PCDHGA6: variants seen among roughly 807,000 people sequenced by gnomAD.
PCDHGA6 encodes protocadherin gamma-A6.
A neutral mutation model predicts 60.6 loss-of-function variants in PCDHGA6; 41 were observed. That is an observed-to-expected ratio of 0.68 (90% confidence interval 0.53 to 0.88). The LOEUF is 0.88. Among genes scored for constraint, PCDHGA6 ranks in the 40% least tolerant of loss-of-function variants. PCDHGA6 has a pLI of 0.00. For synonymous variants in PCDHGA6, 594 were observed against 524.4 expected, an observed-to-expected ratio of 1.13 and a Z score of -1.81; for missense variants, 1,312 against 1,203.0, an observed-to-expected ratio of 1.09 and a Z score of -1.34.
intron 1 of PCDHGA6, chr5:141,415,846 G>A: frequency 3.2e-6 from 4 of 1,240,536 alleles, no homozygotes; most frequent in Non-Finnish European, 4.2e-6. Flanking sequence ...TAGCTTTGCA[G>A]AACCTTGTAG....
intron 1 of PCDHGA6, chr5:141,413,835 C>T (rs762735722): frequency 1.9e-6 from 3 of 1,613,258 alleles, no homozygotes. Context: ...CCGCCTCCGA[C>T]GGGGGTGACC....
At chr5:141,435,858 A>C (rs138728159) in intron 1 of PCDHGA6, among the ~76,000 whole-genome samples, 1 of 152,304 alleles carries the variant, frequency 6.6e-6, no homozygotes, top group East Asian at 1.9e-4. Context: ...TACAATAGTT[A>C]AAACCCAGAA....
intron 1 of PCDHGA6, chr5:141,410,397 G>A (rs1338071222): frequency 1.9e-6 from 3 of 1,613,930 alleles, no homozygotes; most frequent in South Asian, 1.1e-5. Context: ...CCTGGTCTCT[G>A]TGTCAAGTCT....
chr5:141,428,354 T>G, intron 1 of PCDHGA6: 1 of 572,018 alleles, frequency 1.7e-6, no homozygotes. Context: ...GCAGTGATTT[T>G]GGCGGTCGCC....
At position 141,496,642 on chromosome 5, in the gene PCDHGA6, G is replaced by C. The variant is rs1053400475; in HGVS notation, c.2483+1777G>C. Among the ~76,000 whole-genome samples the C allele has an allele frequency of 6.6e-5, 10 of 152,318 alleles. No individual in the cohort carries two copies. In the East Asian group the frequency reaches 1.5e-3, roughly 24 times the overall value. ...AGATCAAAAGGCTTGGGCTGCCCTT[G>C]CCCTTCCTTTGACCCCAGCTGTTGT... On this transcript the variant is annotated intron_variant, in intron 2 of 3. Transcript: ENST00000517434.
chr5:141,398,684 A>G (rs752285568), intron 1 of PCDHGA6: 1 of 1,613,958 alleles, frequency 6.2e-7, no homozygotes, highest in Admixed American at 1.7e-5. Context: ...AAGGAGAAAC[A>G]GGATGGTAGT....
At position 141,431,823 on chromosome 5, in the gene PCDHGA6, CG is replaced by C. The variant is rs754257436; in HGVS notation, c.2424+55318del. ...GTGGTCCTCACCTCTCTCGCCAGCTCGGTTCCCGAAAACTCTCCCAGAGGGA... is the reference window on the plus strand; with the variant it reads ...GTGGTCCTCACCTCTCTCGCCAGCTCGTTCCCGAAAACTCTCCCAGAGGGA... On this transcript the variant is annotated intron_variant, in intron 1 of 3. Transcript: ENST00000517434. The surrounding 1 kb of genome is among the most constrained non-coding windows in gnomAD (Gnocchi z 4.8). 2.5e-6 allele frequency: 4 copies of C among 1,614,142 alleles called. No homozygotes were observed. In the East Asian group the frequency reaches 8.9e-5, roughly 36 times the overall value.
At chr5:141,421,189 C>G in intron 1 of PCDHGA6, 1 of 1,477,674 alleles carries the variant, frequency 6.8e-7, no homozygotes, top group Non-Finnish European at 9.0e-7. Flanking sequence ...CACAACCAAC[C>G]AGCTCGAGAA....
rs1252361961 is a variant in PCDHGA6 at position 141,486,106 on chromosome 5, G to A, written c.2425-8701G>A. The A allele has an allele frequency of 2.5e-6, 4 of 1,614,190 alleles. No individual in the cohort carries two copies. The highest frequency in any genetic ancestry group is 1.1e-5 in the South Asian group (1 of 91,086). Reference sequence around the variant, plus strand: ...CTCTTTTGGGGCCCCTAGACTTTGAGAGTGAGAATTACTATGAATTTGATG... The same window carrying A: ...CTCTTTTGGGGCCCCTAGACTTTGAAAGTGAGAATTACTATGAATTTGATG... On this transcript the variant is annotated intron_variant, in intron 1 of 3. Transcript: ENST00000517434. The surrounding 1 kb of genome is among the most constrained non-coding windows in gnomAD (Gnocchi z 5.0).
chr5:141,414,540 C>G, intron 1 of PCDHGA6: 1 of 1,613,948 alleles, frequency 6.2e-7, no homozygotes. Flanking sequence ...ACCCACCTAC[C>G]TTCTCTCAAG....
At chr5:141,504,500 GAGTGGATCT>G (rs2099838791) in intron 2 of PCDHGA6, among the ~76,000 whole-genome samples, 1 of 152,072 alleles carries the variant, frequency 6.6e-6, no homozygotes, top group Non-Finnish European at 1.5e-5. Context: ...TGCCCAGTCT[GAGTGGATCT>G]CCTCTGATAT....
chr5:141,388,355 C>T (rs1204433407), intron 1 of PCDHGA6: 6 of 1,613,954 alleles, frequency 3.7e-6, no homozygotes, highest in Non-Finnish European at 5.1e-6. Flanking sequence ...TAGGATCTGC[C>T]CATGATGCGG....
In PCDHGA6 at chr5:141,477,650, A is replaced by G. The variant is rs199931735; in HGVS notation, c.2425-17157A>G. ...CGGGCTAGTGGGTCGCTATTTCACA[A>G]TAAATCGTGACAATGGCATAGTGTC... On this transcript the variant is annotated intron_variant, in intron 1 of 3. Transcript: ENST00000517434. This position sits in a 1 kb window ranked among gnomAD's most constrained non-coding sequence, Gnocchi z 4.9. The G allele has an allele frequency of 6.2e-6, 10 of 1,614,212 alleles. No individual in the cohort carries two copies. The highest frequency in any genetic ancestry group is 2.2e-5 in the East Asian group (1 of 44,888).
intron 1 of PCDHGA6, among the ~76,000 whole-genome samples, chr5:141,480,513 C>T (rs1376669385): frequency 7.9e-6 from 1 of 127,246 alleles, no homozygotes. Context: ...ATGAGAACAA[C>T]CAAAAATGAC....
intron 1 of PCDHGA6, chr5:141,383,938 G>T (rs764534858): frequency 5.0e-6 from 8 of 1,613,866 alleles, no homozygotes; most frequent in Non-Finnish European, 5.9e-6. Context: ...TGCTCCAGAA[G>T]TGACTATGAC....
At chr5:141,398,575 A>G in intron 1 of PCDHGA6, 1 of 1,614,046 alleles carries the variant, frequency 6.2e-7, no homozygotes, top group South Asian at 1.1e-5. Flanking sequence ...ACAGCCTGGC[A>G]CAAGATTTAT....
Position 141,418,242 on chromosome 5 carries a change from A to T in PCDHGA6, c.2424+41735A>T, listed in dbSNP as rs779996033. ...ATTGTGGTGATTGAGGATGTTAATG[A>T]CCACGCCCCTCAATTCCGGAAAGAT... On this transcript the variant is annotated intron_variant, in intron 1 of 3. Transcript: ENST00000517434. The T allele has an allele frequency of 3.7e-6, 6 of 1,613,896 alleles. No individual in the cohort carries two copies. The East Asian group carries it at 1.3e-4, about 36-fold the overall frequency.
intron 2 of PCDHGA6, among the ~76,000 whole-genome samples, chr5:141,502,048 ACTTTATTCC>A (rs1055762924): frequency 6.6e-5 from 10 of 151,746 alleles, no homozygotes; most frequent in African/African-American, 2.4e-4. Context: ...TGCTCTCCCT[ACTTTATTCC>A]CATTAGCCCC....
intron 1 of PCDHGA6, chr5:141,426,750 G>A (rs1287163824): frequency 2.2e-6 from 1 of 456,160 alleles, no homozygotes; most frequent in Non-Finnish European, 4.4e-6. Context: ...CCTGGAATCT[G>A]CTATAGATGC....
Sources: allele counts gnomAD v4.1 joint callset (sites outside exome capture counted in the v4.1 genomes callset), GRCh38; gene constraint gnomAD v4.1.1; non-coding constraint Gnocchi (gnomAD v3.1); transcripts MANE v1.5; gene names NCBI Gene and HGNC (gene_info 2026-07-23, HGNC 2026-07-21).